The following NRG3 variants were observed in gnomAD, a reference collection of about 807,000 sequenced individuals.
The protein encoded by NRG3 is pro-neuregulin-3, membrane-bound isoform.
A neutral mutation model predicts 66.9 loss-of-function variants in NRG3; 31 were observed. That is an observed-to-expected ratio of 0.46 (90% CI 0.35 to 0.63). NRG3 has a LOEUF of 0.63. Among genes scored for constraint, NRG3 ranks in the 20% least tolerant of loss-of-function variants. The pLI is 0.00. For missense variants in NRG3, 910 were observed against 878.9 expected (o/e 1.04, Z -0.45); for synonymous variants, 393 against 359.4 (o/e 1.09, Z -1.06).
At chr10:82,619,965 A>C (rs1378029781) in intron 2 of NRG3, among the ~76,000 whole-genome samples, 1 of 152,164 alleles carries the variant, frequency 6.6e-6, no homozygotes, top group African/African-American at 2.4e-5. Context: ...ATGATGCAGG[A>C]GTTTTTCTTA....
intron 2 of NRG3, among the ~76,000 whole-genome samples, chr10:82,533,383 A>T (rs568148677): frequency 1.3e-5 from 2 of 151,740 alleles, no homozygotes; most frequent in Admixed American, 6.6e-5. Flanking sequence ...GTCATGAAGT[A>T]TTTCCCCTAA....
At chr10:82,063,674 A>G (rs968806106) in intron 1 of NRG3, among the ~76,000 whole-genome samples, 1 of 152,178 alleles carries the variant, frequency 6.6e-6, no homozygotes, top group African/African-American at 2.4e-5. Context: ...AACTAAAGAA[A>G]GAAACTAAGC....
At position 82,717,259 on chromosome 10, in the gene NRG3, A is replaced by G. The variant is rs891287843; in HGVS notation, c.954-21318A>G. ...GCTTGTATTATATAAATAATTTTTT[A>G]TAGTGAAAAGTGATCATGACTTTGG... On this transcript the variant is annotated intron_variant, in intron 2 of 8. Coordinates refer to ENST00000372141, the MANE Select transcript of NRG3 (RefSeq NM_001010848.4). 1.8e-4 allele frequency among the ~76,000 whole-genome samples: 28 copies of G among 152,148 alleles called. 1 individual carries two copies. The highest frequency in any genetic ancestry group is 2.0e-4 in the Admixed American group (3 of 15,272).
intron 1 of NRG3, among the ~76,000 whole-genome samples, chr10:82,169,233 G>A (rs893181711): frequency 6.6e-6 from 1 of 152,018 alleles, no homozygotes; most frequent in Non-Finnish European, 1.5e-5. Flanking sequence ...TTGGCTAGAT[G>A]TACTTAGGTT....
At chr10:82,038,100 G>A (rs1178252538) in intron 1 of NRG3, among the ~76,000 whole-genome samples, 1 of 152,034 alleles carries the variant, frequency 6.6e-6, no homozygotes, top group Non-Finnish European at 1.5e-5. Flanking sequence ...TTCATTATGG[G>A]ATACCCAAGA....
At chr10:82,391,184 A>G (rs1312004060) in intron 2 of NRG3, among the ~76,000 whole-genome samples, 9 of 152,184 alleles carry the variant, frequency 5.9e-5, no homozygotes, top group African/African-American at 2.2e-4. Flanking sequence ...ATGTCTGTTT[A>G]TCAAACACTT....
In NRG3 at chr10:82,985,365, C is replaced by T. The variant is rs148300013; in HGVS notation, c.1851C>T (p.Ser617=). ...TTGTCAATGTGAGTATTCCAGTCAG[C>T]GATTGTCTTATAGCAGAACAACAAG... ...ADVVNVSIPV[S]DCLIAEQQEV... is the part of the protein sequence containing the mutation. The change falls in exon 9 of 9, where the codon AGC becomes AGT. Residue 617 remains serine, a synonymous_variant. Transcript: ENST00000372141. 3.4e-5 allele frequency: 55 copies of T among 1,613,960 alleles called. 1 individual carries two copies. The highest frequency in any genetic ancestry group is 4.1e-5 in the Non-Finnish European group (48 of 1,179,998).
At chr10:82,029,880 C>A (rs2132865640) in intron 1 of NRG3, among the ~76,000 whole-genome samples, 1 of 152,144 alleles carries the variant, frequency 6.6e-6, no homozygotes, top group African/African-American at 2.4e-5. Flanking sequence ...CTAAAGGGAA[C>A]TTTTACCATC....
At chr10:81,915,498 T>TTTTTTTTTTG (rs1312013635) in intron 1 of NRG3, among the ~76,000 whole-genome samples, 20 of 148,562 alleles carry the variant, frequency 1.3e-4, no homozygotes, top group Admixed American at 1.2e-3. Context: ...CTTCTTTAGT[T>TTTTTTTTTTG]TTTTTTTTTT....
intron 1 of NRG3, among the ~76,000 whole-genome samples, chr10:82,323,611 G>A (rs1480670583): frequency 6.6e-6 from 1 of 151,678 alleles, no homozygotes; most frequent in South Asian, 2.1e-4. Flanking sequence ...TTGGAGGAAT[G>A]TTGGCCTAAT....
intron 1 of NRG3, among the ~76,000 whole-genome samples, chr10:82,277,647 G>A (rs2078920313): frequency 6.6e-6 from 1 of 151,990 alleles, no homozygotes; most frequent in Non-Finnish European, 1.5e-5. Flanking sequence ...GCCCTTGTTG[G>A]AGAATATTGT....
At chr10:82,935,846 A>T (rs1848014822) in intron 4 of NRG3, among the ~76,000 whole-genome samples, 1 of 151,824 alleles carries the variant, frequency 6.6e-6, no homozygotes, top group Admixed American at 6.6e-5. Flanking sequence ...ACCTGCAACA[A>T]CATATTGAAT....
intron 1 of NRG3, among the ~76,000 whole-genome samples, chr10:82,212,843 C>T (rs919570064): frequency 5.3e-5 from 8 of 152,034 alleles, no homozygotes; most frequent in Non-Finnish European, 8.8e-5. Context: ...ATGAAACATA[C>T]GTAAGTAAAA....
chr10:81,909,819 G>T (rs1297696321), intron 1 of NRG3, among the ~76,000 whole-genome samples: 1 of 152,122 alleles, frequency 6.6e-6, no homozygotes, highest in African/African-American at 2.4e-5. Flanking sequence ...TAATCAAAAT[G>T]GGAAATAGAT....
intron 1 of NRG3, among the ~76,000 whole-genome samples, chr10:82,187,639 T>C (rs568768147): frequency 2.0e-5 from 3 of 152,236 alleles, no homozygotes; most frequent in Non-Finnish European, 4.4e-5. Flanking sequence ...GGCTTCCTGG[T>C]TTGCTCCTTT....
intron 2 of NRG3, among the ~76,000 whole-genome samples, chr10:82,693,538 C>T (rs1386020571): frequency 2.6e-5 from 4 of 152,078 alleles, no homozygotes; most frequent in Non-Finnish European, 4.4e-5. Context: ...TAAATCACTC[C>T]GTGCTTAGGT....
intron 1 of NRG3, among the ~76,000 whole-genome samples, chr10:82,079,310 T>C (rs1453554015): frequency 6.6e-6 from 1 of 152,154 alleles, no homozygotes; most frequent in African/African-American, 2.4e-5. Flanking sequence ...AGTGCTGGGA[T>C]TACAGGCATG....
chr10:82,545,323 G>A (rs376016139), intron 2 of NRG3, among the ~76,000 whole-genome samples: 1 of 150,818 alleles, frequency 6.6e-6, no homozygotes, highest in African/African-American at 2.4e-5. Flanking sequence ...ATTCAAATAA[G>A]TAAGGATATT....
chr10:82,265,695 C>T (rs991257373), intron 1 of NRG3, among the ~76,000 whole-genome samples: 1 of 152,160 alleles, frequency 6.6e-6, no homozygotes, highest in Admixed American at 6.5e-5. Context: ...ACTGACATCA[C>T]CAACAATTAT....
Sources: allele counts gnomAD v4.1 joint callset (sites outside exome capture counted in the v4.1 genomes callset), GRCh38; gene constraint gnomAD v4.1.1; transcripts MANE v1.5; gene names NCBI Gene and HGNC (gene_info 2026-07-23, HGNC 2026-07-21).